SHISA6: variants seen among roughly 807,000 people sequenced by gnomAD.
SHISA6 encodes the protein shisa family member 6.
SHISA6 carries 22 observed loss-of-function variants against 47.9 expected under a neutral mutation model. The ratio of observed to expected loss-of-function variants is 0.46; its 90% CI spans 0.33 to 0.66. The LOEUF (loss-of-function observed/expected upper bound fraction) is 0.66, where lower values mean the gene tolerates loss of function less well. SHISA6 is among the 30% of genes least tolerant of loss of function. SHISA6 has a pLI of 0.02. For missense variants in SHISA6, 680 were observed against 764.6 expected, an observed-to-expected ratio of 0.89 and a Z score of 1.30; for synonymous variants, 388 against 337.8, an observed-to-expected ratio of 1.15 and a Z score of -1.63.
intron 2 of SHISA6, among the ~76,000 whole-genome samples, chr17:11,300,498 G>C (rs1367637570): frequency 1.3e-5 from 2 of 152,116 alleles, no homozygotes; most frequent in Admixed American, 1.3e-4. Flanking sequence ...TGTCAGGCAC[G>C]ATGAAGCCTG....
intron 2 of SHISA6, among the ~76,000 whole-genome samples, chr17:11,282,309 G>A (rs1348380413): frequency 6.6e-6 from 1 of 152,076 alleles, no homozygotes; most frequent in Non-Finnish European, 1.5e-5. Flanking sequence ...GAGTTCTAGA[G>A]GCGATTCAAC....
In SHISA6 at chr17:11,241,749, G is replaced by A. The variant is rs778109302; in HGVS notation, c.327G>A (p.Glu109=). ...DVSGQYDKEF[E]CNNSESGYLY... ...GCGGCCAGTACGACAAGGAGTTCGA[G>A]TGTAACAACAGCGAGAGCGGCTACC... is the stretch of plus-strand genomic sequence containing the variant. The change falls in exon 1 of 6, where the codon GAG becomes GAA. Residue 109 remains glutamate (E), a synonymous_variant. Coordinates refer to ENST00000441885, the MANE Select transcript of SHISA6 (RefSeq NM_207386.4). This position sits in a 1 kb window ranked among gnomAD's most constrained non-coding sequence, Gnocchi z 5.5. 4.2e-5 allele frequency: 65 copies of A among 1,546,414 alleles called. No homozygotes were observed. The highest frequency in any genetic ancestry group is 1.7e-4 in the Middle Eastern group (1 of 6,012).
At chr17:11,292,824 AT>A (rs35397647) in intron 2 of SHISA6, among the ~76,000 whole-genome samples, 3,826 of 135,502 alleles carry the variant, frequency 0.028, 106 homozygotes, top group East Asian at 0.11. Context: ...AATCAGATTG[AT>A]TTTTTTTTTT....
chr17:11,549,948 A>G (rs1424075650), intron 3 of SHISA6, among the ~76,000 whole-genome samples: 1 of 152,126 alleles, frequency 6.6e-6, no homozygotes, highest in Non-Finnish European at 1.5e-5. Flanking sequence ...TTTGGCAAAC[A>G]GTTTCTTCCC....
intron 3 of SHISA6, among the ~76,000 whole-genome samples, chr17:11,383,155 C>T (rs939161618): frequency 6.6e-6 from 1 of 152,038 alleles, no homozygotes; most frequent in Non-Finnish European, 1.5e-5. Flanking sequence ...CCAGGCTGGT[C>T]TCAAACTCCT....
chr17:11,520,248 TCAC>T (rs145545413), intron 3 of SHISA6, among the ~76,000 whole-genome samples: 2,758 of 152,276 alleles, frequency 0.018, 86 homozygotes, highest in African/African-American at 0.061. Context: ...CCCACCTGTC[TCAC>T]CACCACCAAC....
chr17:11,469,980 C>T (rs1307266805), intron 3 of SHISA6, among the ~76,000 whole-genome samples: 1 of 152,148 alleles, frequency 6.6e-6, no homozygotes, highest in Non-Finnish European at 1.5e-5. Flanking sequence ...GGTGTCCATA[C>T]AAAGAGAAGA....
chr17:11,480,054 A>G (rs576136167), intron 3 of SHISA6, among the ~76,000 whole-genome samples: 2 of 152,246 alleles, frequency 1.3e-5, no homozygotes, highest in Non-Finnish European at 2.9e-5. Flanking sequence ...ATAATTTCAC[A>G]GGATACAGGA....
At position 11,345,050 on chromosome 17, in the gene SHISA6, C is replaced by A. The variant is rs565979621; in HGVS notation, c.800-34364C>A. Among the ~76,000 whole-genome samples the A allele has an allele frequency of 4.1e-4, 63 of 152,206 alleles. No individual in the cohort carries two copies. The South Asian group carries it at 0.012, about 30-fold the overall frequency. On this transcript the variant is annotated intron_variant, in intron 2 of 5. Transcript: ENST00000441885. ...ATGCAGTATTTAGTTTTCTGACCTG[C>A]GTTATTTCACTTAACATAATATCCT... is the stretch of plus-strand genomic sequence containing the variant.
At chr17:11,441,505 C>G (rs1231810551) in intron 3 of SHISA6, among the ~76,000 whole-genome samples, 1 of 152,130 alleles carries the variant, frequency 6.6e-6, no homozygotes, top group Non-Finnish European at 1.5e-5. Context: ...TTCGTGAGAA[C>G]CCAGTGAGAG....
intron 3 of SHISA6, among the ~76,000 whole-genome samples, chr17:11,421,370 C>G (rs1485781696): frequency 5.9e-5 from 9 of 152,238 alleles, no homozygotes; most frequent in African/African-American, 2.2e-4. Flanking sequence ...ATAACAGCAC[C>G]AGGGGGATTT....
At chr17:11,343,682 G>C (rs149734083) in intron 2 of SHISA6, among the ~76,000 whole-genome samples, 77 of 152,318 alleles carry the variant, frequency 5.1e-4, no homozygotes, top group African/African-American at 1.7e-3. Flanking sequence ...CTCCACAGCA[G>C]AGCAAAAAGC....
chr17:11,263,936 C>CA (rs1250301435), intron 2 of SHISA6, among the ~76,000 whole-genome samples: 1 of 152,194 alleles, frequency 6.6e-6, no homozygotes, highest in Non-Finnish European at 1.5e-5. Flanking sequence ...ATTGGGATCT[C>CA]AAAGAGCTCC....
intron 2 of SHISA6, among the ~76,000 whole-genome samples, chr17:11,272,538 T>G (rs1262247987): frequency 1.3e-5 from 2 of 152,196 alleles, no homozygotes; most frequent in Non-Finnish European, 2.9e-5. Flanking sequence ...CCTTCCGTGC[T>G]TCAGTTTCCT....
At chr17:11,383,772 A>G (rs935203640) in intron 3 of SHISA6, among the ~76,000 whole-genome samples, 1 of 152,018 alleles carries the variant, frequency 6.6e-6, no homozygotes, top group African/African-American at 2.4e-5. Flanking sequence ...CCTCCTGTTC[A>G]TTCATCCCTC....
At chr17:11,291,515 T>G (rs1909542294) in intron 2 of SHISA6, among the ~76,000 whole-genome samples, 1 of 152,036 alleles carries the variant, frequency 6.6e-6, no homozygotes, top group Non-Finnish European at 1.5e-5. Context: ...GCGCCTGTAG[T>G]CCCAGCTACT....
Position 11,558,786 on chromosome 17 carries a change from T to G in SHISA6, c.*482T>G. On this transcript the variant is annotated 3_prime_UTR_variant, in exon 6 of 6. Coordinates refer to ENST00000441885, the MANE Select transcript of SHISA6 (RefSeq NM_207386.4). ...TTCATCTAGAACCGCATCACAGAAA[T>G]CTCCTAGTGCCTAAAAACTGCCTGC... 1 of 172,436 alleles carries G rather than the reference T, an allele frequency of 5.8e-6. No individual in the cohort carries two copies. Among genetic ancestry groups the G allele is most frequent in the Non-Finnish European group, 1.2e-5 (1 of 80,026 alleles). The allele number at this position is 172,436 out of a possible 1,614,324, so 10.7% of individuals were successfully genotyped here.
chr17:11,423,195 T>C (rs1236930668), intron 3 of SHISA6, among the ~76,000 whole-genome samples: 1 of 148,470 alleles, frequency 6.7e-6, no homozygotes, highest in Non-Finnish European at 1.5e-5. Flanking sequence ...AAGGATTGCA[T>C]TTCTGTGTAA....
intron 2 of SHISA6, among the ~76,000 whole-genome samples, chr17:11,355,195 T>G (rs1912040478): frequency 1.3e-5 from 2 of 152,220 alleles, no homozygotes; most frequent in African/African-American, 4.8e-5. Context: ...ATGGGCTATT[T>G]GCAGGTCCAT....
Sources: gnomAD v4.1 joint callset for allele counts (sites outside exome capture counted in the v4.1 genomes callset) on GRCh38, gnomAD v4.1.1 for gene constraint, Gnocchi (gnomAD v3.1) non-coding constraint, MANE v1.5 for transcripts, NCBI Gene and HGNC (gene_info 2026-07-23, HGNC 2026-07-21) for gene names.